The following CACNA1C variants were observed in gnomAD, a reference collection of about 807,000 sequenced individuals.
The protein encoded by CACNA1C is voltage-dependent L-type calcium channel subunit alpha-1C.
In CACNA1C, 30 loss-of-function variants were observed where a neutral mutation model predicts 229.0. The ratio of observed to expected loss-of-function variants is 0.13; its 90% CI spans 0.10 to 0.18. CACNA1C has a LOEUF of 0.18. Ranked by LOEUF, CACNA1C falls within the 10% of genes least tolerant of loss-of-function variation. The pLI is 1.00. For missense variants in CACNA1C, 1,658 were observed against 2,845.0 expected, an observed-to-expected ratio of 0.58 and a Z score of 9.49; for synonymous variants, 1,114 against 1,132.5, an observed-to-expected ratio of 0.98 and a Z score of 0.33.
intron 9 of CACNA1C, among the ~76,000 whole-genome samples, chr12:2,548,519 G>C (rs963243730): frequency 6.6e-6 from 1 of 152,120 alleles, no homozygotes; most frequent in African/African-American, 2.4e-5. Flanking sequence ...TGAGGAGGAC[G>C]AGTTAGAGCC....
At chr12:2,371,099 A>G (rs2097853856) in intron 3 of CACNA1C, among the ~76,000 whole-genome samples, 2 of 152,238 alleles carry the variant, frequency 1.3e-5, no homozygotes, top group South Asian at 2.1e-4. Flanking sequence ...TTTCACATAC[A>G]TAAAGGGCTA....
intron 11 of CACNA1C, among the ~76,000 whole-genome samples, chr12:2,563,703 T>G (rs1324282982): frequency 1.3e-5 from 2 of 152,194 alleles, no homozygotes; most frequent in Non-Finnish European, 2.9e-5. Context: ...GTGGATGAAG[T>G]CAGGCTACTC....
chr12:2,445,120 C>T (rs2099265360), intron 3 of CACNA1C, among the ~76,000 whole-genome samples: 1 of 152,204 alleles, frequency 6.6e-6, no homozygotes, highest in Admixed American at 6.5e-5. Flanking sequence ...TCTTAGTTCA[C>T]TCTCCACCTG....
chr12:2,296,061 A>G (rs1367310666), intron 3 of CACNA1C, among the ~76,000 whole-genome samples: 1 of 152,274 alleles, frequency 6.6e-6, no homozygotes, highest in Non-Finnish European at 1.5e-5. Context: ...GAGGTTGCTC[A>G]GCAGGTGTCA....
At chr12:2,517,243 C>T (rs1182858469) in intron 9 of CACNA1C, among the ~76,000 whole-genome samples, 1 of 152,234 alleles carries the variant, frequency 6.6e-6, no homozygotes, top group Non-Finnish European at 1.5e-5. Context: ...TGGAGCGTTG[C>T]TCTGCAGGCT....
chr12:2,067,449 C>CGT lies in CACNA1C; in HGVS notation c.49+13870_49+13871dup, dbSNP rs1555107490. 6.9e-3 allele frequency among the ~76,000 whole-genome samples: 983 copies of CGT among 141,480 alleles called. 7 individuals carry two copies. The highest frequency in any genetic ancestry group is 0.02 in the East Asian group (90 of 4,564). 92.8% of individuals were successfully genotyped at this position (141,480 alleles called of 152,430 possible). A position where few individuals can be genotyped will look rare whatever the true frequency, so the allele number is the denominator to read the frequency against. ...GCTTAGGACTGTGGACTAGGATGCA[C>CGT]GTGTGTGTGTGTGTGTGTGTGTGTG... On this transcript the variant is annotated intron_variant, in intron 1 of 46. Coordinates refer to ENST00000399655, the MANE Select transcript of CACNA1C (RefSeq NM_000719.7). This position sits in a 1 kb window ranked among gnomAD's most constrained non-coding sequence, Gnocchi z 5.3.
At chr12:2,683,816 C>T (rs1254571516) in intron 43 of CACNA1C, among the ~76,000 whole-genome samples, 6 of 152,204 alleles carry the variant, frequency 3.9e-5, no homozygotes, top group South Asian at 4.1e-4. Context: ...CACTCTGGAA[C>T]GGCAGCACAG....
chr12:2,236,091 C>G (rs1267302982), intron 3 of CACNA1C, among the ~76,000 whole-genome samples: 1 of 152,218 alleles, frequency 6.6e-6, no homozygotes, highest in African/African-American at 2.4e-5. Context: ...CAAAGTCTTG[C>G]TATCAATTAC....
At chr12:2,045,666 G>A (rs2050916784) in intron 1 of CACNA1C, among the ~76,000 whole-genome samples, 1 of 152,052 alleles carries the variant, frequency 6.6e-6, no homozygotes. Flanking sequence ...GAGAGAAAGA[G>A]GTTGCTAAAG....
chr12:2,604,834 A>G (rs1048395366), intron 22 of CACNA1C, among the ~76,000 whole-genome samples: 2 of 152,208 alleles, frequency 1.3e-5, no homozygotes, highest in Non-Finnish European at 2.9e-5. Flanking sequence ...ATGACCTGCC[A>G]TGAGCCACCT....
chr12:2,144,483 C>T (rs2094539676), intron 3 of CACNA1C, among the ~76,000 whole-genome samples: 1 of 151,444 alleles, frequency 6.6e-6, no homozygotes, highest in Non-Finnish European at 1.5e-5. Flanking sequence ...TGAGACACAG[C>T]AGTGCTTAAA....
At chr12:2,370,947 G>A (rs957430937) in intron 3 of CACNA1C, among the ~76,000 whole-genome samples, 1 of 152,106 alleles carries the variant, frequency 6.6e-6, no homozygotes, top group African/African-American at 2.4e-5. Flanking sequence ...AGAGAAGCAA[G>A]GTGTGTCCTC....
Position 2,100,480 on chromosome 12 carries a change from CAA to C in CACNA1C, c.50-14733_50-14732del, listed in dbSNP as rs34845739. On this transcript the variant is annotated intron_variant, in intron 1 of 46. Coordinates refer to ENST00000399655, the MANE Select transcript of CACNA1C (RefSeq NM_000719.7). ...AGACTCCATCTCAAAAAAAAAAAAA[CAA>C]AAAAAAAAAACAACAAAAATTGGAT... 2.6e-4 allele frequency among the ~76,000 whole-genome samples: 31 copies of C among 118,588 alleles called. 1 individual carries two copies. Among genetic ancestry groups the C allele is most frequent in the Non-Finnish European group, 3.3e-4 (20 of 61,090 alleles). The allele number at this position is 118,588 out of a possible 152,430, so 77.8% of individuals were successfully genotyped here. A position where few individuals can be genotyped will look rare whatever the true frequency, so the allele number is the denominator to read the frequency against.
At chr12:2,091,712 G>A (rs554936343) in intron 1 of CACNA1C, among the ~76,000 whole-genome samples, 3 of 152,376 alleles carry the variant, frequency 2.0e-5, no homozygotes, top group South Asian at 2.1e-4. Flanking sequence ...GGACAAGGAC[G>A]TGTCTGGGGG....
In CACNA1C at chr12:2,207,837, A is replaced by AAC. The variant is rs1230333688; in HGVS notation, c.477+87408_477+87409insCA. Reference sequence around the variant, plus strand: ...CCCTGTCTCAAAAACAAAACAAACAAAAAAAACCATGAGAAATTGGCTAGC... The same window carrying AAC: ...CCCTGTCTCAAAAACAAAACAAACAAACAAAAAACCATGAGAAATTGGCTAGC... On this transcript the variant is annotated intron_variant, in intron 3 of 46. Coordinates refer to ENST00000399655, the MANE Select transcript of CACNA1C (RefSeq NM_000719.7). Among the ~76,000 whole-genome samples the AAC allele has an allele frequency of 9.4e-4, 143 of 151,952 alleles. 1 individual carries two copies. Among genetic ancestry groups the AAC allele is most frequent in the African/African-American group, 2.8e-3 (116 of 41,466 alleles).
In CACNA1C at chr12:2,689,884, G is replaced by C. The variant is rs2097722318; in HGVS notation, c.6118-1016G>C. On this transcript the variant is annotated intron_variant, in intron 46 of 46. Transcript: ENST00000399655. The surrounding 1 kb of genome is among the most constrained non-coding windows in gnomAD (Gnocchi z 4.2). ...ATATATAACACATCAGGAAGGTCAG[G>C]AGTGCCAAAGAAAAACTAAGCAGGG... is the stretch of plus-strand genomic sequence containing the variant. 1 of 152,302 alleles carries C rather than the reference G, an allele frequency of 6.6e-6. No homozygotes were observed. Among genetic ancestry groups the C allele is most frequent in the African/African-American group, 2.4e-5 (1 of 41,442 alleles). The allele number at this position is 152,302 out of a possible 1,614,324, so 9.4% of individuals were successfully genotyped here. A position where few individuals can be genotyped will look rare whatever the true frequency, so the allele number is the denominator to read the frequency against.
At chr12:2,411,296 T>C (rs2098804754) in intron 3 of CACNA1C, among the ~76,000 whole-genome samples, 3 of 152,076 alleles carry the variant, frequency 2.0e-5, no homozygotes, top group Admixed American at 6.5e-5. Flanking sequence ...GCAGGGTGAC[T>C]GGAAGTACTC....
intron 8 of CACNA1C, among the ~76,000 whole-genome samples, chr12:2,511,363 C>T (rs555258751): frequency 3.7e-4 from 56 of 152,316 alleles, no homozygotes; most frequent in African/African-American, 1.3e-3. Flanking sequence ...GGAGCTGCCC[C>T]ACATGACAGT....
chr12:2,173,603 C>T (rs2096560167), intron 3 of CACNA1C, among the ~76,000 whole-genome samples: 1 of 152,092 alleles, frequency 6.6e-6, no homozygotes, highest in African/African-American at 2.4e-5. Context: ...TGTTTTCACC[C>T]TGTATCCCCA....
Sources: allele counts gnomAD v4.1 joint callset (sites outside exome capture counted in the v4.1 genomes callset), GRCh38; gene constraint gnomAD v4.1.1; non-coding constraint Gnocchi (gnomAD v3.1); transcripts MANE v1.5; gene names NCBI Gene and HGNC (gene_info 2026-07-23, HGNC 2026-07-21).